ZFHX3: variants seen among roughly 807,000 people sequenced by gnomAD.
The protein encoded by ZFHX3 is zinc finger homeobox protein 3.
A neutral mutation model predicts 279.1 loss-of-function variants in ZFHX3; 42 were observed. The ratio of observed to expected loss-of-function variants is 0.15; its 90% CI spans 0.12 to 0.19. The LOEUF is 0.19. Among genes scored for constraint, ZFHX3 ranks in the 10% least tolerant of loss-of-function variants. The probability of loss-of-function intolerance (pLI) is 1.00; values close to 1 mark genes in which losing one functional copy is unlikely to be tolerated. For synonymous variants in ZFHX3, 2,293 were observed against 1,957.8 expected, an observed-to-expected ratio of 1.17 and a Z score of -4.52; for missense variants, 4,981 against 4,754.0, an observed-to-expected ratio of 1.05 and a Z score of -1.40.
chr16:73,512,272 CAAAAAAAAAAAAAA>C (rs3087038), intron 2 of ZFHX3, among the ~76,000 whole-genome samples: 1 of 87,868 alleles, frequency 1.1e-5, no homozygotes, highest in Non-Finnish European at 2.2e-5. Context: ...CACTAAAATA[CAAAAAAAAAAAAAA>C]AAAAAAAAAA....
intron 2 of ZFHX3, among the ~76,000 whole-genome samples, chr16:73,465,442 G>A (rs552226889): frequency 3.9e-5 from 6 of 152,090 alleles, no homozygotes; most frequent in Non-Finnish European, 5.9e-5. Context: ...CCGCCACCTC[G>A]AAAGCTGCCT....
chr16:73,466,453 G>C (rs2018572017), intron 2 of ZFHX3, among the ~76,000 whole-genome samples: 1 of 152,220 alleles, frequency 6.6e-6, no homozygotes, highest in Admixed American at 6.5e-5. Context: ...CTGCGCTCCA[G>C]CTTGGGTAAC....
chr16:73,437,722 A>T (rs2143529152), intron 3 of ZFHX3, among the ~76,000 whole-genome samples: 1 of 152,310 alleles, frequency 6.6e-6, no homozygotes, highest in Admixed American at 6.5e-5. Flanking sequence ...TTTCACCAAC[A>T]AGTCTATGTT....
chr16:72,941,688 A>G (rs1266164077), intron 3 of ZFHX3, among the ~76,000 whole-genome samples: 1 of 152,054 alleles, frequency 6.6e-6, no homozygotes, highest in Admixed American at 6.6e-5. Context: ...TTCTTTTTAT[A>G]CAAAGAAAAA....
rs3082344 is a variant in ZFHX3 at position 73,891,738 on chromosome 16, T to TTCTCTCTCTCTCTCTCTC, written c.-1713_-1696dup. 2.5e-3 allele frequency: 361 copies of TTCTCTCTCTCTCTCTCTC among 141,928 alleles called. 1 individual carries two copies. Among genetic ancestry groups the TTCTCTCTCTCTCTCTCTC allele is most frequent in the Middle Eastern group, 7.3e-3 (2 of 274 alleles). 8.8% of individuals were successfully genotyped at this position (141,928 alleles called of 1,614,324 possible). A position where few individuals can be genotyped will look rare whatever the true frequency, so the allele number is the denominator to read the frequency against. On this transcript the variant is annotated 5_prime_UTR_variant, in exon 1 of 18. Transcript: ENST00000641206. ...GAGAACCATCCTTCAGGGTTTTTAG[T>TTCTCTCTCTCTCTCTCTC]TCTCTCTCTCTCTCTCTCTCTCTCT...
chr16:73,652,232 G>A (rs1187429771), intron 2 of ZFHX3, among the ~76,000 whole-genome samples: 3 of 152,190 alleles, frequency 2.0e-5, no homozygotes, highest in Non-Finnish European at 4.4e-5. Context: ...CCACATGTGG[G>A]CAGGAGCTTA....
chr16:72,946,014 G>A (rs941906935), intron 3 of ZFHX3, among the ~76,000 whole-genome samples: 8 of 152,180 alleles, frequency 5.3e-5, no homozygotes, highest in South Asian at 2.1e-4. Context: ...TCTACCATAC[G>A]ATGATTTTAT....
chr16:73,507,440 G>A lies in ZFHX3; in HGVS notation c.-1546-51182C>T, dbSNP rs115015952. ...CCCTTGGATGGACACAGTGGAAAGT[G>A]TACTGGAGTCTGTACCAGAAAATGC... On this transcript the variant is annotated intron_variant, in intron 2 of 17. Transcript: ENST00000641206. Among the ~76,000 whole-genome samples the A allele has an allele frequency of 7.1e-3, 1,037 of 145,354 alleles. 23 individuals carry two copies. Among genetic ancestry groups the A allele is most frequent in the African/African-American group, 0.025 (993 of 39,572 alleles).
At position 73,662,817 on chromosome 16, in the gene ZFHX3, T is replaced by C. The variant is rs117385668; in HGVS notation, c.-1547+17363A>G. 5.2e-3 allele frequency among the ~76,000 whole-genome samples: 788 copies of C among 152,268 alleles called. 19 individuals carry two copies. Among genetic ancestry groups the C allele is most frequent in the East Asian group, 0.049 (252 of 5,174 alleles). On this transcript the variant is annotated intron_variant, in intron 2 of 17. Coordinates refer to the ZFHX3 transcript ENST00000641206. ...CTCATTTCCTGCACACATCACAATC[T>C]TTAATTTCTAAAAGAAGAAGGCAAG...
At chr16:72,945,412 C>T (rs1960616802) in intron 3 of ZFHX3, among the ~76,000 whole-genome samples, 1 of 152,124 alleles carries the variant, frequency 6.6e-6, no homozygotes, top group African/African-American at 2.4e-5. Context: ...CCATCAGGCC[C>T]ACGTGCAGCC....
intron 1 of ZFHX3, among the ~76,000 whole-genome samples, chr16:73,038,929 C>T (rs1003519929): frequency 6.6e-6 from 1 of 151,772 alleles, no homozygotes; most frequent in Non-Finnish European, 1.5e-5. Flanking sequence ...TCCCGAGTAG[C>T]TAGGAATACA....
chr16:72,957,593 G>A lies in ZFHX3; in HGVS notation c.2553C>T (p.Gly851=), dbSNP rs1338182624. The change falls in exon 2 of 10, where the codon GGC becomes GGT. Residue 851 remains glycine (G), a synonymous_variant. Transcript: ENST00000268489. ...CGGCCTCGGCGGGTGAGGGCAGGCT[G>A]CCGAGGCCCAGGTGGCGGTTGTGTT... is the stretch of plus-strand genomic sequence containing the variant. The part of the protein sequence containing the change: ...QIQHNRHLGL[G]SLPSPAEAEL... 9.3e-6 allele frequency: 15 copies of A among 1,614,064 alleles called. No homozygotes were observed. The highest frequency in any genetic ancestry group is 2.2e-5 in the South Asian group (2 of 91,082).
At chr16:73,387,997 T>G (rs1253204303) in intron 3 of ZFHX3, among the ~76,000 whole-genome samples, 2 of 152,098 alleles carry the variant, frequency 1.3e-5, no homozygotes, top group Middle Eastern at 3.4e-3. Flanking sequence ...AGATGTCAGA[T>G]TTCAAATGCA....
intron 1 of ZFHX3, among the ~76,000 whole-genome samples, chr16:73,003,317 G>GAAA (rs34728114): frequency 7.6e-6 from 1 of 132,042 alleles, no homozygotes; most frequent in Non-Finnish European, 1.6e-5. Flanking sequence ...TAATTAAAGG[G>GAAA]AAAAAAAAAA....
intron 1 of ZFHX3, among the ~76,000 whole-genome samples, chr16:73,680,481 C>G (rs777100391): frequency 7.9e-5 from 12 of 152,166 alleles, no homozygotes; most frequent in Non-Finnish European, 1.2e-4. Context: ...TGTGCTCTCC[C>G]CTTCCAAGAA....
chr16:73,685,627 C>G (rs1394904651), intron 1 of ZFHX3, among the ~76,000 whole-genome samples: 2 of 152,208 alleles, frequency 1.3e-5, no homozygotes, highest in African/African-American at 4.8e-5. Context: ...TAGCATGCAT[C>G]AGCAACCATA....
At chr16:73,022,666 A>C (rs557878177) in intron 1 of ZFHX3, among the ~76,000 whole-genome samples, 1 of 152,282 alleles carries the variant, frequency 6.6e-6, no homozygotes, top group South Asian at 2.1e-4. Context: ...ATGACGGCCC[A>C]CATGCCACGA....
rs966936514 is a variant in ZFHX3, at chr16:73,864,321, C to T, written c.-1608+27330G>A. 2.0e-5 allele frequency among the ~76,000 whole-genome samples: 3 copies of T among 152,338 alleles called. No individual in the cohort carries two copies. In the East Asian group the frequency reaches 5.8e-4, roughly 29 times the overall value. ...AGCAATCCTTCATTCACTGAAGGAACATTCATTAACTACGCTGTGACAAGC... is the reference window on the plus strand; with the variant it reads ...AGCAATCCTTCATTCACTGAAGGAATATTCATTAACTACGCTGTGACAAGC... On this transcript the variant is annotated intron_variant, in intron 1 of 17. Coordinates refer to the ZFHX3 transcript ENST00000641206.
At chr16:72,813,156 C>T in intron 5 of ZFHX3, among the ~76,000 whole-genome samples, 1 of 151,696 alleles carries the variant, frequency 6.6e-6, no homozygotes. Context: ...CTCCATTTTT[C>T]AGAATTTTGT....
Sources: gnomAD v4.1 joint callset for allele counts (sites outside exome capture counted in the v4.1 genomes callset) on GRCh38, gnomAD v4.1.1 for gene constraint, MANE v1.5 for transcripts, NCBI Gene and HGNC (gene_info 2026-07-23, HGNC 2026-07-21) for gene names.